Variants in GLRA3 observed in about 807,000 individuals in gnomAD.
GLRA3 encodes glycine receptor subunit alpha-3.
A neutral mutation model predicts 60.4 loss-of-function variants in GLRA3; 44 were observed. The observed-to-expected ratio is 0.73, with a 90% CI of 0.57 to 0.94. The LOEUF (loss-of-function observed/expected upper bound fraction) is 0.94, where lower values mean the gene tolerates loss of function less well. Ranked by LOEUF, GLRA3 falls within the 40% of genes least tolerant of loss-of-function variation. GLRA3 has a pLI of 0.00. For synonymous variants in GLRA3, 223 were observed against 192.9 expected (o/e 1.16, Z -1.29); for missense variants, 508 against 564.6 (o/e 0.90, Z 1.02).
At chr4:174,699,172 T>A (rs2111040972) in intron 5 of GLRA3, among the ~76,000 whole-genome samples, 1 of 152,210 alleles carries the variant, frequency 6.6e-6, no homozygotes, top group East Asian at 1.9e-4. Flanking sequence ...TAATTTTTTT[T>A]GTATTTTTTA....
chr4:174,728,718 G>T lies in GLRA3; in HGVS notation c.268-20C>A. Reference sequence around the variant, plus strand: ...GTAATCCTATGATAAAATAATGAAAGAAAGAAAAAAAAAAACCCTGCTTTA... The same window carrying T: ...GTAATCCTATGATAAAATAATGAAATAAAGAAAAAAAAAAACCCTGCTTTA... On this transcript the variant is annotated intron_variant, in intron 3 of 9. Transcript: ENST00000274093. 2 of 1,354,794 alleles carry T rather than the reference G, an allele frequency of 1.5e-6. No individual in the cohort carries two copies. Among genetic ancestry groups the T allele is most frequent in the Middle Eastern group, 2.1e-4 (1 of 4,738 alleles). 83.9% of individuals were successfully genotyped at this position (1,354,794 alleles called of 1,614,324 possible). A position where few individuals can be genotyped will look rare whatever the true frequency, so the allele number is the denominator to read the frequency against.
At chr4:174,658,722 A>C (rs1733308931) in intron 8 of GLRA3, among the ~76,000 whole-genome samples, 2 of 152,242 alleles carry the variant, frequency 1.3e-5, no homozygotes, top group African/African-American at 4.8e-5. Context: ...ATATCAAGTG[A>C]AACTATTAGA....
chr4:174,767,658 A>G (rs1314763546), intron 2 of GLRA3, among the ~76,000 whole-genome samples: 1 of 152,092 alleles, frequency 6.6e-6, no homozygotes, highest in Non-Finnish European at 1.5e-5. Flanking sequence ...CCTTGAGCCA[A>G]TAAATCTTCC....
At chr4:174,721,420 G>A (rs1158446046) in intron 4 of GLRA3, among the ~76,000 whole-genome samples, 1 of 151,512 alleles carries the variant, frequency 6.6e-6, no homozygotes, top group Admixed American at 6.6e-5. Flanking sequence ...GTTTGTTATA[G>A]CACTTGTATA....
intron 1 of GLRA3, among the ~76,000 whole-genome samples, chr4:174,825,844 AG>A (rs919094471): frequency 2.0e-5 from 3 of 152,118 alleles, no homozygotes; most frequent in Admixed American, 2.0e-4. Flanking sequence ...TGTTTTTGAA[AG>A]CACTAAAGTT....
At chr4:174,691,380 C>T (rs1579451751) in intron 5 of GLRA3, among the ~76,000 whole-genome samples, 1 of 152,132 alleles carries the variant, frequency 6.6e-6, no homozygotes, top group Non-Finnish European at 1.5e-5. Context: ...CTCCCCTCTC[C>T]CCTCTCTCTC....
At chr4:174,718,132 A>G (rs1278180992) in intron 4 of GLRA3, among the ~76,000 whole-genome samples, 1 of 152,220 alleles carries the variant, frequency 6.6e-6, no homozygotes, top group Non-Finnish European at 1.5e-5. Flanking sequence ...AAATCTATTC[A>G]TCGACTTTTC....
intron 8 of GLRA3, 152 bp from the exon 9 acceptor site, chr4:174,656,939 C>A: frequency 1.9e-6 from 1 of 516,466 alleles, no homozygotes. Flanking sequence ...TGCAAAGTAT[C>A]TACCCCAACA....
intron 3 of GLRA3, among the ~76,000 whole-genome samples, chr4:174,736,827 A>G (rs1456873516): frequency 1.3e-5 from 2 of 152,194 alleles, no homozygotes; most frequent in Non-Finnish European, 2.9e-5. Context: ...CATAAAACCC[A>G]TGGGAATCCA....
In GLRA3 at chr4:174,700,956, C is replaced by G. The variant is rs543961035; in HGVS notation, c.574+14532G>C. 1.1e-4 allele frequency among the ~76,000 whole-genome samples: 17 copies of G among 152,238 alleles called. No individual in the cohort carries two copies. In the South Asian group the frequency reaches 3.5e-3, roughly 32 times the overall value. On this transcript the variant is annotated intron_variant, in intron 5 of 9. Transcript: ENST00000274093. Reference sequence around the variant, plus strand: ...AAGAAGCCCTCTCCACATAAAAGTGCAAGGTGAAGCAGAAAGTGCTGATGT... The same window carrying G: ...AAGAAGCCCTCTCCACATAAAAGTGGAAGGTGAAGCAGAAAGTGCTGATGT...
Position 174,766,017 on chromosome 4 carries a change from C to A in GLRA3, c.267+946G>T, listed in dbSNP as rs1171427638. 2.6e-5 allele frequency among the ~76,000 whole-genome samples: 4 copies of A among 151,206 alleles called. 1 individual carries two copies. Among genetic ancestry groups the A allele is most frequent in the Non-Finnish European group, 3.0e-5 (2 of 67,512 alleles). ...GATTCCAACACACACTCACACACAC[C>A]TCTACACACACTTACACCCTCATAT... On this transcript the variant is annotated intron_variant, in intron 3 of 9. Transcript: ENST00000274093.
intron 7 of GLRA3, among the ~76,000 whole-genome samples, chr4:174,664,070 G>A (rs1316080966): frequency 6.6e-6 from 1 of 152,120 alleles, no homozygotes; most frequent in South Asian, 2.1e-4. Flanking sequence ...TCCTTCTCAG[G>A]GGGTGCTCTT....
At chr4:174,706,641 C>T (rs560200099) in intron 5 of GLRA3, among the ~76,000 whole-genome samples, 6 of 152,038 alleles carry the variant, frequency 3.9e-5, no homozygotes, top group South Asian at 2.1e-4. Context: ...AAATAGGAAC[C>T]CTGCTTGAGC....
intron 3 of GLRA3, 89 bp downstream of exon 3, chr4:174,766,874 A>G (rs1738161316): frequency 1.5e-6 from 1 of 674,934 alleles, no homozygotes; most frequent in African/African-American, 1.8e-5. Flanking sequence ...TTGTTATACT[A>G]ATTTGGGTTT....
At chr4:174,704,555 A>G (rs1329731492) in intron 5 of GLRA3, among the ~76,000 whole-genome samples, 1 of 143,420 alleles carries the variant, frequency 7.0e-6, no homozygotes, top group Non-Finnish European at 1.5e-5. Context: ...TAAATAATTA[A>G]AAATGAATGA....
At chr4:174,689,257 G>T (rs1000209176) in intron 5 of GLRA3, among the ~76,000 whole-genome samples, 1 of 152,056 alleles carries the variant, frequency 6.6e-6, no homozygotes, top group Non-Finnish European at 1.5e-5. Flanking sequence ...AATTTAGAAA[G>T]AAATCTAAGT....
At chr4:174,725,048 G>A (rs1396102830) in intron 4 of GLRA3, among the ~76,000 whole-genome samples, 1 of 152,188 alleles carries the variant, frequency 6.6e-6, no homozygotes, top group African/African-American at 2.4e-5. Flanking sequence ...CACGCCATTT[G>A]CAAAATGTAT....
chr4:174,749,851 C>G (rs1002254066), intron 3 of GLRA3, among the ~76,000 whole-genome samples: 6 of 152,034 alleles, frequency 3.9e-5, no homozygotes, highest in African/African-American at 1.4e-4. Context: ...TATATTCACT[C>G]TCTTGCAGAG....
chr4:174,809,780 G>A (rs560171555), intron 1 of GLRA3, among the ~76,000 whole-genome samples: 15 of 152,118 alleles, frequency 9.9e-5, no homozygotes, highest in Admixed American at 3.9e-4. Flanking sequence ...CTTTTAGGAA[G>A]CATAACTCAG....
Sources: gnomAD v4.1 joint callset for allele counts (sites outside exome capture counted in the v4.1 genomes callset) on GRCh38, gnomAD v4.1.1 for gene constraint, MANE v1.5 for transcripts, NCBI Gene and HGNC (gene_info 2026-07-23, HGNC 2026-07-21) for gene names.